KIF26B: variants seen among roughly 807,000 people sequenced by gnomAD.
The protein encoded by KIF26B is kinesin family member 26B.
A neutral mutation model predicts 151.2 loss-of-function variants in KIF26B; 63 were observed. The observed-to-expected ratio is 0.42, with a 90% CI of 0.34 to 0.51. The LOEUF (loss-of-function observed/expected upper bound fraction) is 0.51, where lower values mean the gene tolerates loss of function less well. KIF26B is among the 20% of genes least tolerant of loss of function. The pLI is 0.07. For missense variants in KIF26B, 2,813 were observed against 2,913.6 expected, an observed-to-expected ratio of 0.97 and a Z score of 0.79; for synonymous variants, 1,357 against 1,262.1, an observed-to-expected ratio of 1.08 and a Z score of -1.59.
At chr1:245,263,073 G>A (rs538551962) in intron 2 of KIF26B, among the ~76,000 whole-genome samples, 2 of 152,348 alleles carry the variant, frequency 1.3e-5, no homozygotes, top group South Asian at 4.1e-4. Context: ...GTCAAGGAGT[G>A]TCATGACAAG....
At chr1:245,605,655 T>C (rs567956261) in intron 6 of KIF26B, among the ~76,000 whole-genome samples, 2 of 152,230 alleles carry the variant, frequency 1.3e-5, no homozygotes, top group African/African-American at 4.8e-5. Flanking sequence ...GACCTGGCCC[T>C]TCCCATGGGG....
intron 4 of KIF26B, among the ~76,000 whole-genome samples, chr1:245,505,863 G>A (rs943451912): frequency 3.9e-5 from 6 of 152,044 alleles, no homozygotes; most frequent in Admixed American, 2.6e-4. Context: ...CCATCTCTGC[G>A]TTGTATTTTC....
chr1:245,262,562 C>T (rs560175060), intron 2 of KIF26B, among the ~76,000 whole-genome samples: 1 of 152,220 alleles, frequency 6.6e-6, no homozygotes, highest in South Asian at 2.1e-4. Context: ...TCAAGCGATT[C>T]TCCTGCCTCA....
intron 5 of KIF26B, among the ~76,000 whole-genome samples, chr1:245,562,673 G>A (rs1356622382): frequency 1.3e-5 from 2 of 151,164 alleles, no homozygotes; most frequent in African/African-American, 2.4e-5. Flanking sequence ...GGTAGTGTGA[G>A]TTACCTTCCT....
At chr1:245,297,875 T>TTTTG (rs61370908) in intron 2 of KIF26B, among the ~76,000 whole-genome samples, 87,097 of 149,826 alleles carry the variant, frequency 0.58, 26,163 homozygotes, top group African/African-American at 0.73. Context: ...GGGCATCAGT[T>TTTTG]TTTGTTTGTT....
At position 245,700,436 on chromosome 1, in the gene KIF26B, A is replaced by T. The variant is rs2044754625; in HGVS notation, c.6178+1399A>T. 1.3e-5 allele frequency among the ~76,000 whole-genome samples: 2 copies of T among 152,134 alleles called. 1 individual carries two copies. Among genetic ancestry groups the T allele is most frequent in the South Asian group, 4.1e-4 (2 of 4,822 alleles). On this transcript the variant is annotated intron_variant, in intron 14 of 14. Transcript: ENST00000407071. Reference sequence around the variant, plus strand: ...GCCAGGCACGGTGGCTCACGCCTGTAATCCCAGCACCTTGGGAGGCCAAGG... The same window carrying T: ...GCCAGGCACGGTGGCTCACGCCTGTTATCCCAGCACCTTGGGAGGCCAAGG...
intron 2 of KIF26B, among the ~76,000 whole-genome samples, chr1:245,350,778 C>T (rs1234502192): frequency 6.6e-6 from 1 of 152,212 alleles, no homozygotes; most frequent in Admixed American, 6.5e-5. Context: ...GAGGGGACAT[C>T]TCTTCTCTTT....
At chr1:245,627,557 A>G (rs949365917) in intron 9 of KIF26B, among the ~76,000 whole-genome samples, 1 of 152,154 alleles carries the variant, frequency 6.6e-6, no homozygotes, top group African/African-American at 2.4e-5. Flanking sequence ...CGACACCTTA[A>G]CATCACAATT....
rs770177563 is a variant in KIF26B at position 245,686,668 on chromosome 1, G to A, written c.3685G>A (p.Val1229Ile). Reference protein sequence around the residue: ...ARALASGSRPVSIISSISEDL... With the variant: ...ARALASGSRPISIISSISEDL... ...GGCCCTGGCCTCGGGCTCGCGGCCC[G>A]TCAGCATCATCAGCAGCATCAGCGA... The change falls in exon 12 of 15, where the codon GTC (valine) becomes ATC (isoleucine). Residue 1229 changes from valine to isoleucine, a missense_variant. Val to Ile is a conservative substitution (Grantham distance 29). This residue lies in a region of KIF26B where 2,060 missense variants were observed against 2,088.6 expected (regional missense o/e 0.99). Transcript: ENST00000407071. The surrounding 1 kb of genome is among the most constrained non-coding windows in gnomAD (Gnocchi z 5.6). 19 of 1,611,680 alleles carry A rather than the reference G, an allele frequency of 1.2e-5. No homozygotes were observed. In the Middle Eastern group the frequency reaches 4.9e-4, roughly 42 times the overall value.
chr1:245,223,705 T>G (rs1669819051), intron 2 of KIF26B, among the ~76,000 whole-genome samples: 1 of 152,204 alleles, frequency 6.6e-6, no homozygotes, highest in South Asian at 2.1e-4. Flanking sequence ...TGCAGACCTC[T>G]TAGGTTCTCC....
At chr1:245,414,590 G>A (rs1242843153) in intron 3 of KIF26B, among the ~76,000 whole-genome samples, 6 of 152,176 alleles carry the variant, frequency 3.9e-5, no homozygotes, top group African/African-American at 7.2e-5. Context: ...CCGGTGCTGC[G>A]GGGCTCACGT....
At chr1:245,332,425 C>T (rs116132407) in intron 2 of KIF26B, among the ~76,000 whole-genome samples, 1,674 of 152,344 alleles carry the variant, frequency 0.011, 22 homozygotes, top group Non-Finnish European at 0.018. Context: ...TCTGGATTTA[C>T]AGTCTGAAAT....
chr1:245,224,849 G>A (rs1293120548), intron 2 of KIF26B, among the ~76,000 whole-genome samples: 3 of 152,126 alleles, frequency 2.0e-5, no homozygotes, highest in Non-Finnish European at 4.4e-5. Flanking sequence ...ACTGATAACG[G>A]TTTCAGGGCC....
Position 245,166,775 on chromosome 1 carries a change from T to C in KIF26B, c.465+10092T>C, listed in dbSNP as rs1429332267. ...TCACATCGATTCCAACCAGACCCCATGGGAAGTCTGGGAATAAAGAAGTCA... is the reference window on the plus strand; with the variant it reads ...TCACATCGATTCCAACCAGACCCCACGGGAAGTCTGGGAATAAAGAAGTCA... On this transcript the variant is annotated intron_variant, in intron 2 of 14. Coordinates refer to ENST00000407071, the MANE Select transcript of KIF26B (RefSeq NM_018012.4). The surrounding 1 kb of genome is among the most constrained non-coding windows in gnomAD (Gnocchi z 4.5). 6.6e-6 allele frequency among the ~76,000 whole-genome samples: 1 copy of C among 152,118 alleles called. No individual in the cohort carries two copies. The highest frequency in any genetic ancestry group is 6.5e-5 in the Admixed American group (1 of 15,280).
intron 2 of KIF26B, among the ~76,000 whole-genome samples, chr1:245,264,298 A>T (rs368532737): frequency 6.6e-6 from 1 of 152,232 alleles, no homozygotes; most frequent in Non-Finnish European, 1.5e-5. Context: ...TATCTTCAGC[A>T]ACATCCTAAA....
chr1:245,670,550 C>A (rs967075712), intron 10 of KIF26B, among the ~76,000 whole-genome samples: 1 of 150,270 alleles, frequency 6.7e-6, no homozygotes, highest in Non-Finnish European at 1.5e-5. Context: ...GAATTGAAAG[C>A]AGGAAATGAA....
intron 2 of KIF26B, among the ~76,000 whole-genome samples, chr1:245,208,452 G>C (rs536215635): frequency 6.6e-6 from 1 of 152,116 alleles, no homozygotes; most frequent in African/African-American, 2.4e-5. Context: ...GCTTGCTGGC[G>C]AGTGGGATTG....
chr1:245,364,215 A>G (rs1004684578), intron 2 of KIF26B, among the ~76,000 whole-genome samples: 2 of 152,162 alleles, frequency 1.3e-5, no homozygotes, highest in African/African-American at 4.8e-5. Flanking sequence ...ACAAATGGCA[A>G]TAAGCTGAAT....
intron 4 of KIF26B, among the ~76,000 whole-genome samples, chr1:245,514,896 G>A (rs762556097): frequency 7.9e-5 from 12 of 152,176 alleles, no homozygotes; most frequent in African/African-American, 1.7e-4. Context: ...TTAGCTTAGC[G>A]TCTGGCCATA....
Sources: allele counts gnomAD v4.1 joint callset (sites outside exome capture counted in the v4.1 genomes callset), GRCh38; gene constraint gnomAD v4.1.1; regional missense constraint gnomAD v4.1.1; non-coding constraint Gnocchi (gnomAD v3.1); transcripts MANE v1.5; gene names NCBI Gene and HGNC (gene_info 2026-07-23, HGNC 2026-07-21).